The following SLC8B1 variants were observed in gnomAD, a reference collection of about 807,000 sequenced individuals.
SLC8B1 encodes mitochondrial sodium/calcium exchanger protein.
Under a neutral mutation model 63.4 loss-of-function variants are expected in SLC8B1, and 52 were observed. That is an observed-to-expected ratio of 0.82 (90% confidence interval 0.66 to 1.03). SLC8B1 has a LOEUF of 1.03. Among genes scored for constraint, SLC8B1 ranks in the 50% least tolerant of loss-of-function variants. SLC8B1 has a pLI of 0.00. For synonymous variants in SLC8B1, 336 were observed against 323.9 expected (o/e 1.04, Z -0.40); for missense variants, 657 against 741.7 (o/e 0.89, Z 1.33).
At chr12:113,300,058 T>TCAA (rs1274135088) in intron 15 of SLC8B1, 84 bp from the exon 16 acceptor site, 1 of 1,220,910 alleles carries the variant, frequency 8.2e-7, no homozygotes, top group Non-Finnish European at 1.2e-6. Context: ...CAATGCAGCC[T>TCAA]CAACAACAAT....
intron 8 of SLC8B1, among the ~76,000 whole-genome samples, chr12:113,318,405 T>C (rs1021866525): frequency 3.3e-5 from 5 of 151,920 alleles, no homozygotes; most frequent in Admixed American, 1.3e-4. Flanking sequence ...TTTGTGTGTG[T>C]GCATATATTT....
At chr12:113,307,641 A>G in intron 13 of SLC8B1, 50 bp downstream of exon 13, 15 of 1,584,652 alleles carry the variant, frequency 9.5e-6, no homozygotes, top group Non-Finnish European at 1.2e-5. Context: ...GGAAAGAGCT[A>G]AGATGTGGCC....
chr12:113,314,429 A>C (rs1956806959), intron 11 of SLC8B1, among the ~76,000 whole-genome samples: 1 of 152,262 alleles, frequency 6.6e-6, no homozygotes, highest in Non-Finnish European at 1.5e-5. Context: ...AGATGATAGG[A>C]AACAGACAGC....
Position 113,320,516 on chromosome 12 carries a change from G to A in SLC8B1, c.527-18C>T. ...GCCAGCGCCTGGGGGGAGGAGGCCA[G>A]AGCTCAGCCACCCTGCACCCTCTCC... On this transcript the variant is annotated intron_variant, in intron 6 of 15. Coordinates refer to ENST00000680972, the MANE Select transcript of SLC8B1 (RefSeq NM_001358345.2). The surrounding 1 kb of genome is among the most constrained non-coding windows in gnomAD (Gnocchi z 5.3). The A allele has an allele frequency of 1.2e-6, 2 of 1,613,998 alleles. No homozygotes were observed. Among genetic ancestry groups the A allele is most frequent in the African/African-American group, 1.3e-5 (1 of 75,054 alleles).
intron 15 of SLC8B1, among the ~76,000 whole-genome samples, chr12:113,304,083 G>A (rs1956637269): frequency 6.6e-6 from 1 of 152,024 alleles, no homozygotes; most frequent in Non-Finnish European, 1.5e-5. Context: ...GTTTCACCAC[G>A]TTGGCCAGGC....
chr12:113,332,797 T>C lies in SLC8B1; in HGVS notation c.82A>G (p.Arg28Gly). 6.2e-7 allele frequency: 1 copy of C among 1,614,202 alleles called. No individual in the cohort carries two copies. Among genetic ancestry groups the C allele is most frequent in the Non-Finnish European group, 8.5e-7 (1 of 1,180,026 alleles). The change falls in exon 2 of 16, where the codon AGG (arginine) becomes GGG (glycine). Residue 28 changes from arginine (R) to glycine (G), a missense_variant. Arg to Gly is a moderately radical substitution (Grantham distance 125). Coordinates refer to ENST00000680972, the MANE Select transcript of SLC8B1 (RefSeq NM_001358345.2). ...LLMAETVSGTRGSSTGAHISP... is the reference protein window; with the variant it reads ...LLMAETVSGTGGSSTGAHISP... ...ATGTGAGCTCCTGTAGACGAGCCCC[T>C]AGTCCCAGACACTGTCTCCGCCATT...
rs1461015301 is a variant in SLC8B1 at position 113,298,883 on chromosome 12, G to A, written c.*894C>T. 7 of 152,138 alleles carry A rather than the reference G, an allele frequency of 4.6e-5. No homozygotes were observed. The highest frequency in any genetic ancestry group is 1.9e-4 in the East Asian group (1 of 5,194). The allele number at this position is 152,138 out of a possible 1,614,324, so 9.4% of individuals were successfully genotyped here. On this transcript the variant is annotated 3_prime_UTR_variant, in exon 16 of 16. Transcript: ENST00000680972. ...GTTGCTTATTTCGGCAACATAAGGC[G>A]GGGTCATTGCATGACAGCAAGAAGG...
At position 113,320,718 on chromosome 12, in the gene SLC8B1, C is replaced by T. The variant is rs1013961410; in HGVS notation, c.421-32G>A. ...GGAGCATGTCAAGGCGGGCCAGGAT[C>T]GCAGCTGCAGCCCACCCAGGCCTTC... On this transcript the variant is annotated intron_variant, in intron 5 of 15. Coordinates refer to ENST00000680972, the MANE Select transcript of SLC8B1 (RefSeq NM_001358345.2). The surrounding 1 kb of genome is among the most constrained non-coding windows in gnomAD (Gnocchi z 5.3). 1.0e-5 allele frequency: 16 copies of T among 1,603,488 alleles called. No individual in the cohort carries two copies. Among genetic ancestry groups the T allele is most frequent in the Admixed American group, 3.5e-5 (2 of 57,656 alleles).
chr12:113,308,641 C>T (rs759751151), intron 12 of SLC8B1: 4 of 152,104 alleles, frequency 2.6e-5, no homozygotes, highest in Non-Finnish European at 4.4e-5. Flanking sequence ...TTCTCTCACT[C>T]AGCATCATGT....
In SLC8B1 at chr12:113,307,793, C is replaced by T. The variant is rs750401003; in HGVS notation, c.1309G>A (p.Ala437Thr). Residue 437 changes from alanine (A) to threonine (T), a missense_variant, in exon 13 of 16, where the codon GCC becomes ACC. Coordinates refer to ENST00000680972, the MANE Select transcript of SLC8B1 (RefSeq NM_001358345.2). Reference sequence around the variant, plus strand: ...CGCAAGATGTTCACCACCTCTGTGGCGGCCGCGTTGATCCACAGGGCGCTG... The same window carrying T: ...CGCAAGATGTTCACCACCTCTGTGGTGGCCGCGTTGATCCACAGGGCGCTG... The part of the protein sequence containing the change: ...LTSALWINAA[A>T]TEVVNILRSL... 4.5e-5 allele frequency: 72 copies of T among 1,613,532 alleles called. 1 individual carries two copies. The Admixed American group carries it at 5.8e-4, about 13-fold the overall frequency.
intron 10 of SLC8B1, 116 bp from the exon 11 acceptor site, chr12:113,315,592 G>C: frequency 7.8e-7 from 1 of 1,287,538 alleles, no homozygotes; most frequent in Non-Finnish European, 1.0e-6. Flanking sequence ...CACTGACTGT[G>C]TGCGGGTTCC....
At position 113,315,326 on chromosome 12, in the gene SLC8B1, G is replaced by T. The variant is rs1469146481; in HGVS notation, c.1135+9C>A. 2 of 1,524,192 alleles carry T rather than the reference G, an allele frequency of 1.3e-6. No homozygotes were observed. Among genetic ancestry groups the T allele is most frequent in the Non-Finnish European group, 8.8e-7 (1 of 1,131,512 alleles). The allele number at this position is 1,524,192 out of a possible 1,614,324, so 94.4% of individuals were successfully genotyped here. On this transcript the variant is annotated intron_variant, in intron 11 of 15. Coordinates refer to ENST00000680972, the MANE Select transcript of SLC8B1 (RefSeq NM_001358345.2). ...GAAGGTGGGTTGGCCCGGGGTAGGG[G>T]ATACTCACAGGTCCCCGACTGCAGG...
Position 113,299,482 on chromosome 12 carries a change from T to A in SLC8B1, c.*295A>T, listed in dbSNP as rs1215619083. On this transcript the variant is annotated 3_prime_UTR_variant, in exon 16 of 16. Transcript: ENST00000680972. The stretch of plus-strand genomic sequence containing the variant: ...ATCCCCTTCCCCCAAACTCCAGCCC[T>A]TCTCAGAGGGGCTCTGGGGGTCATT... 1 of 376,406 alleles carries A rather than the reference T, an allele frequency of 2.7e-6. No individual in the cohort carries two copies. The highest frequency in any genetic ancestry group is 5.1e-6 in the Non-Finnish European group (1 of 197,016). The allele number at this position is 376,406 out of a possible 1,614,324, so 23.3% of individuals were successfully genotyped here.
At chr12:113,318,725 T>C (rs1338654731) in intron 8 of SLC8B1, among the ~76,000 whole-genome samples, 3 of 152,172 alleles carry the variant, frequency 2.0e-5, no homozygotes, top group Admixed American at 6.5e-5. Flanking sequence ...CTTAGAGAGA[T>C]GGCCCTGGCA....
At chr12:113,302,078 A>T (rs1489333055) in intron 15 of SLC8B1, 1 of 152,842 alleles carries the variant, frequency 6.5e-6, no homozygotes, top group Non-Finnish European at 1.5e-5. Flanking sequence ...GTGTAGTAGG[A>T]TAAGTAGTGC....
chr12:113,318,908 G>A (rs1469137376), intron 8 of SLC8B1, 56 bp downstream of exon 8: 1 of 1,411,068 alleles, frequency 7.1e-7, no homozygotes, highest in Non-Finnish European at 1.0e-6. Flanking sequence ...GCACTGAAGG[G>A]CACAGAGGCC....
chr12:113,302,663 T>A lies in SLC8B1; in HGVS notation c.1557+1658A>T, dbSNP rs1468557370. The A allele has an allele frequency of 6.6e-6, 3 of 456,102 alleles. No homozygotes were observed. In the Admixed American group the frequency reaches 7.0e-5, roughly 11 times the overall value. 28.3% of individuals were successfully genotyped at this position (456,102 alleles called of 1,614,324 possible). ...CCGTGTGGGCTGTTTCTAGGCACCG[T>A]GGCGTTTCGTCTTCCCAGCCACCTG... On this transcript the variant is annotated intron_variant, in intron 15 of 15. Transcript: ENST00000680972.
intron 12 of SLC8B1, 41 bp downstream of exon 12, chr12:113,310,193 G>A (rs1375585489): frequency 6.2e-7 from 1 of 1,601,292 alleles, no homozygotes; most frequent in Non-Finnish European, 8.5e-7. Flanking sequence ...GGAGACATCA[G>A]CATCCCTCCC....
At chr12:113,328,332 A>T (rs1957020346) in intron 2 of SLC8B1, among the ~76,000 whole-genome samples, 1 of 152,110 alleles carries the variant, frequency 6.6e-6, no homozygotes, top group Non-Finnish European at 1.5e-5. Context: ...CCTGGCCAGA[A>T]ATTTTTCTCT....
Sources: allele counts gnomAD v4.1 joint callset (sites outside exome capture counted in the v4.1 genomes callset), GRCh38; gene constraint gnomAD v4.1.1; non-coding constraint Gnocchi (gnomAD v3.1); transcripts MANE v1.5; gene names NCBI Gene and HGNC (gene_info 2026-07-23, HGNC 2026-07-21).